CNBD1: variants seen among roughly 807,000 people sequenced by gnomAD.
The protein encoded by CNBD1 is cyclic nucleotide-binding domain-containing protein 1.
CNBD1 carries 71 observed loss-of-function variants against 54.4 expected under a neutral mutation model. The ratio of observed to expected loss-of-function variants is 1.30; its 90% CI spans 1.08 to 1.59. CNBD1 has a LOEUF of 1.59. CNBD1 is among the 40% of genes most tolerant of loss of function. CNBD1 has a pLI of 0.00. For missense variants in CNBD1, 659 were observed against 518.0 expected (o/e 1.27, Z -2.64); for synonymous variants, 182 against 170.7 (o/e 1.07, Z -0.51).
chr8:87,351,942 G>T (rs1488223494), intron 9 of CNBD1, 148 bp downstream of exon 9: 2 of 780,336 alleles, frequency 2.6e-6, no homozygotes, highest in Non-Finnish European at 3.6e-6. Context: ...TTTGTTTTTG[G>T]TTTAGTTATA....
chr8:87,283,043 TTC>T (rs1336984127), intron 6 of CNBD1, among the ~76,000 whole-genome samples: 1 of 152,068 alleles, frequency 6.6e-6, no homozygotes, highest in African/African-American at 2.4e-5. Flanking sequence ...CTTCTAGAAT[TTC>T]TGTTAGATAT....
intron 3 of CNBD1, among the ~76,000 whole-genome samples, chr8:86,912,375 C>T (rs1356437177): frequency 6.6e-6 from 1 of 152,118 alleles, no homozygotes. Flanking sequence ...AATACTTCTT[C>T]CAATATGCAG....
chr8:87,374,918 A>G (rs940860850), intron 10 of CNBD1, among the ~76,000 whole-genome samples: 1 of 151,944 alleles, frequency 6.6e-6, no homozygotes, highest in African/African-American at 2.4e-5. Context: ...GCAACTACCA[A>G]GTGCTACACT....
chr8:87,332,179 C>T (rs1354558646), intron 8 of CNBD1, among the ~76,000 whole-genome samples: 3 of 152,042 alleles, frequency 2.0e-5, no homozygotes, highest in African/African-American at 7.2e-5. Flanking sequence ...GAAACCCCGT[C>T]TCTATTAAAA....
intron 6 of CNBD1, among the ~76,000 whole-genome samples, chr8:87,276,250 C>T (rs531157016): frequency 1.3e-5 from 2 of 151,856 alleles, no homozygotes; most frequent in South Asian, 4.2e-4. Flanking sequence ...TTACCAATGC[C>T]TTCCTTTTAT....
At chr8:86,932,898 C>T (rs535318729) in intron 3 of CNBD1, among the ~76,000 whole-genome samples, 126 of 152,116 alleles carry the variant, frequency 8.3e-4, no homozygotes, top group African/African-American at 2.4e-3. Flanking sequence ...GGAATAGTTG[C>T]GCTCACTGAA....
chr8:87,157,653 C>G (rs1306635267), intron 4 of CNBD1, among the ~76,000 whole-genome samples: 2 of 152,160 alleles, frequency 1.3e-5, no homozygotes, highest in Non-Finnish European at 2.9e-5. Flanking sequence ...AGGGGCTTTG[C>G]CTGGGGATTT....
intron 6 of CNBD1, among the ~76,000 whole-genome samples, chr8:87,282,433 T>C (rs943660186): frequency 1.3e-5 from 2 of 151,732 alleles, no homozygotes; most frequent in South Asian, 2.1e-4. Context: ...TTGTTTCTTA[T>C]AATGTCTAAA....
At chr8:87,324,765 A>T (rs1245490769) in intron 8 of CNBD1, among the ~76,000 whole-genome samples, 1 of 146,450 alleles carries the variant, frequency 6.8e-6, no homozygotes, top group Non-Finnish European at 1.5e-5. Flanking sequence ...TCCTGGATTC[A>T]TTGATTTTTT....
intron 10 of CNBD1, among the ~76,000 whole-genome samples, chr8:87,359,751 C>T (rs77645503): frequency 0.015 from 2,255 of 152,084 alleles, 56 homozygotes; most frequent in African/African-American, 0.048. Context: ...AATGAAAATG[C>T]TGTGCTGGAA....
chr8:86,969,935 T>C (rs957370424), intron 4 of CNBD1, among the ~76,000 whole-genome samples: 1 of 151,940 alleles, frequency 6.6e-6, no homozygotes, highest in Non-Finnish European at 1.5e-5. Context: ...TGCATTTCTT[T>C]TCATTTTTTT....
At chr8:87,319,397 A>T (rs747024777) in intron 8 of CNBD1, among the ~76,000 whole-genome samples, 8 of 152,120 alleles carry the variant, frequency 5.3e-5, no homozygotes, top group Admixed American at 1.3e-4. Context: ...AATAAAACCA[A>T]CAGGTAATGA....
intron 5 of CNBD1, among the ~76,000 whole-genome samples, chr8:87,236,426 C>T (rs1003741076): frequency 6.6e-6 from 1 of 152,012 alleles, no homozygotes. Flanking sequence ...CAGCCACCCT[C>T]TCCAAACTGT....
chr8:87,306,314 A>G (rs1471502226), intron 8 of CNBD1, among the ~76,000 whole-genome samples: 1 of 152,186 alleles, frequency 6.6e-6, no homozygotes, highest in African/African-American at 2.4e-5. Context: ...GTAAACTAGT[A>G]TAGCTGCTAT....
intron 4 of CNBD1, among the ~76,000 whole-genome samples, chr8:86,968,403 A>G (rs1334105758): frequency 6.6e-6 from 1 of 152,162 alleles, no homozygotes; most frequent in East Asian, 1.9e-4. Flanking sequence ...ATACCTAAAG[A>G]AAGAGTAAAC....
intron 4 of CNBD1, among the ~76,000 whole-genome samples, chr8:87,084,229 T>A (rs182835788): frequency 1.3e-3 from 200 of 152,342 alleles, no homozygotes; most frequent in Middle Eastern, 3.4e-3. Flanking sequence ...AAGACATTTT[T>A]AAAAAGTTTT....
intron 2 of CNBD1, among the ~76,000 whole-genome samples, chr8:87,422,591 C>T (rs527544833): frequency 3.9e-4 from 59 of 151,976 alleles, no homozygotes; most frequent in African/African-American, 1.1e-3. Flanking sequence ...TGCAGATATG[C>T]GGCGTTATTT....
chr8:87,228,398 G>T (rs926264276), intron 5 of CNBD1, among the ~76,000 whole-genome samples: 34 of 148,734 alleles, frequency 2.3e-4, no homozygotes, highest in Non-Finnish European at 3.8e-4. Flanking sequence ...TTTGATGATG[G>T]TGATGTACAG....
At chr8:87,047,978 A>C (rs985008729) in intron 4 of CNBD1, among the ~76,000 whole-genome samples, 2 of 152,198 alleles carry the variant, frequency 1.3e-5, no homozygotes, top group Non-Finnish European at 2.9e-5. Context: ...TGACTTCTTC[A>C]CATTGGTACC....
Sources: allele counts gnomAD v4.1 joint callset (sites outside exome capture counted in the v4.1 genomes callset), GRCh38; gene constraint gnomAD v4.1.1; transcripts MANE v1.5; gene names NCBI Gene and HGNC (gene_info 2026-07-23, HGNC 2026-07-21).